Variants in SUPT5H observed in about 807,000 individuals in gnomAD.
SUPT5H encodes SPT5 homolog, DSIF elongation factor subunit.
A neutral mutation model predicts 142.5 loss-of-function variants in SUPT5H; 24 were observed. The observed-to-expected ratio is 0.17, with a 90% confidence interval of 0.12 to 0.24. The LOEUF (loss-of-function observed/expected upper bound fraction) is 0.24, where lower values mean the gene tolerates loss of function less well. Among genes scored for constraint, SUPT5H ranks in the 10% least tolerant of loss-of-function variants. SUPT5H has a pLI of 1.00. For synonymous variants in SUPT5H, 546 were observed against 553.0 expected (o/e 0.99, Z 0.18); for missense variants, 893 against 1,471.8 (o/e 0.61, Z 6.43).
At chr19:39,448,699 G>A (rs1220189397) in intron 2 of SUPT5H, among the ~76,000 whole-genome samples, 1 of 152,098 alleles carries the variant, frequency 6.6e-6, no homozygotes, top group East Asian at 1.9e-4. Flanking sequence ...GAAGGACAGG[G>A]TTCTGTGGCT....
At chr19:39,457,245 T>C (rs544046558) in intron 3 of SUPT5H, among the ~76,000 whole-genome samples, 1 of 152,304 alleles carries the variant, frequency 6.6e-6, no homozygotes, top group Non-Finnish European at 1.5e-5. Context: ...GGAACCTGTG[T>C]CAGGTACTCA....
At chr19:39,468,430 T>C (rs975923392) in intron 13 of SUPT5H, 2 of 391,564 alleles carry the variant, frequency 5.1e-6, no homozygotes, top group African/African-American at 4.1e-5. Context: ...TACTGGGCAC[T>C]ATTCTTGGTG....
intron 28 of SUPT5H, chr19:39,475,858 T>C (rs1028559256): frequency 5.2e-6 from 3 of 572,932 alleles, no homozygotes; most frequent in Admixed American, 3.1e-5. Context: ...CCTTTTTGCC[T>C]GTTAGCTTCA....
intron 3 of SUPT5H, among the ~76,000 whole-genome samples, chr19:39,456,520 G>C (rs958298436): frequency 2.6e-5 from 4 of 151,614 alleles, no homozygotes; most frequent in Non-Finnish European, 5.9e-5. Flanking sequence ...CCGGGTTCAA[G>C]CAATTCTCTG....
At chr19:39,457,904 C>T in intron 4 of SUPT5H, 164 bp downstream of exon 4, 1 of 1,315,186 alleles carries the variant, frequency 7.6e-7, no homozygotes, top group Non-Finnish European at 1.1e-6. Context: ...CCTGCTTTTT[C>T]CTTTTAGGCC....
Position 39,474,171 on chromosome 19 carries a change from C to T in SUPT5H, c.2651+50C>T. On this transcript the variant is annotated intron_variant, in intron 26 of 29. Transcript: ENST00000432763. This position sits in a 1 kb window ranked among gnomAD's most constrained non-coding sequence, Gnocchi z 6.5. Reference sequence around the variant, plus strand: ...GTCTACCCCTGCCCAAACCCTCCTACTGCCACCACCTCTTTTCCCCTCCCT... The same window carrying T: ...GTCTACCCCTGCCCAAACCCTCCTATTGCCACCACCTCTTTTCCCCTCCCT... 6.2e-7 allele frequency: 1 copy of T among 1,610,794 alleles called. No individual in the cohort carries two copies. The highest frequency in any genetic ancestry group is 8.5e-7 in the Non-Finnish European group (1 of 1,178,320).
intron 8 of SUPT5H, 139 bp from the exon 9 acceptor site, chr19:39,459,420 G>C: frequency 7.4e-7 from 1 of 1,344,274 alleles, no homozygotes; most frequent in Non-Finnish European, 1.1e-6. Context: ...TCTTGCTCCT[G>C]GGTAGAAGCG....
rs760331427 is a variant in SUPT5H, at chr19:39,474,086, A to T, written c.2616A>T (p.Pro872=). 3 of 1,605,504 alleles carry T rather than the reference A, an allele frequency of 1.9e-6. No individual in the cohort carries two copies. Among genetic ancestry groups the T allele is most frequent in the Non-Finnish European group, 2.6e-6 (3 of 1,174,998 alleles). The change falls in exon 26 of 30, where the codon CCA becomes CCT. Residue 872 remains proline (P), a synonymous_variant. Transcript: ENST00000432763. The surrounding 1 kb of genome is among the most constrained non-coding windows in gnomAD (Gnocchi z 6.5). ...YPDPSSPQVN[P]QYNPQTPGTP... is the part of the protein sequence containing the mutation. The stretch of plus-strand genomic sequence containing the variant: ...ACCCCTCGTCCCCACAGGTCAACCC[A>T]CAATACAACCCGCAGACGCCAGGGA...
chr19:39,474,841 T>TAGA lies in SUPT5H; in HGVS notation c.3024+124_3024+126dup, dbSNP rs2079380042. On this transcript the variant is annotated intron_variant, in intron 28 of 29. Coordinates refer to ENST00000432763, the MANE Select transcript of SUPT5H (RefSeq NM_001111020.3). This position sits in a 1 kb window ranked among gnomAD's most constrained non-coding sequence, Gnocchi z 6.5. The stretch of plus-strand genomic sequence containing the variant: ...GGGCAGAGCTGGGATTGAGGAAGCC[T>TAGA]AGAGGGCAAGGGGAGCTATGTGAAC... The TAGA allele has an allele frequency of 4.4e-6, 5 of 1,140,960 alleles. No individual in the cohort carries two copies. In the East Asian group the frequency reaches 1.3e-4, roughly 29 times the overall value. The allele number at this position is 1,140,960 out of a possible 1,614,324, so 70.7% of individuals were successfully genotyped here. A position where few individuals can be genotyped will look rare whatever the true frequency, so the allele number is the denominator to read the frequency against.
In SUPT5H at chr19:39,476,408, G is replaced by A; in HGVS notation, c.*9G>A. On this transcript the variant is annotated 3_prime_UTR_variant, in exon 30 of 30. Coordinates refer to ENST00000432763, the MANE Select transcript of SUPT5H (RefSeq NM_001111020.3). Reference sequence around the variant, plus strand: ...AGCTCCTGGAAGCCTGAAGCAGGCAGGGCCGGTGGACTTCGTCGGATGAAG... The same window carrying A: ...AGCTCCTGGAAGCCTGAAGCAGGCAAGGCCGGTGGACTTCGTCGGATGAAG... The A allele has an allele frequency of 6.2e-7, 1 of 1,613,976 alleles. No individual in the cohort carries two copies. Among genetic ancestry groups the A allele is most frequent in the African/African-American group, 1.3e-5 (1 of 75,044 alleles).
Position 39,446,078 on chromosome 19 carries a change from C to T in SUPT5H, c.75+113C>T, listed in dbSNP as rs552163993. On this transcript the variant is annotated intron_variant, in intron 2 of 29. Transcript: ENST00000432763. ...CAGCGGGCTCTGGCTTCTGGGAACT[C>T]CCAGATTGTCTCAAGAGATAGAGAA... is the stretch of plus-strand genomic sequence containing the variant. 9 of 1,150,108 alleles carry T rather than the reference C, an allele frequency of 7.8e-6. No homozygotes were observed. The East Asian group carries it at 2.3e-4, about 29-fold the overall frequency. 71.2% of individuals were successfully genotyped at this position (1,150,108 alleles called of 1,614,324 possible). A position where few individuals can be genotyped will look rare whatever the true frequency, so the allele number is the denominator to read the frequency against.
intron 2 of SUPT5H, among the ~76,000 whole-genome samples, chr19:39,449,180 C>T (rs550950247): frequency 6.6e-6 from 1 of 152,054 alleles, no homozygotes; most frequent in East Asian, 1.9e-4. Context: ...AAGGCAGAGG[C>T]AGTTTTATAG....
At position 39,473,251 on chromosome 19, in the gene SUPT5H, C is replaced by T. The variant is rs752436856; in HGVS notation, c.2307C>T (p.Pro769=). Residue 769 remains proline (P), a synonymous_variant, in exon 24 of 30, where the codon CCC becomes CCT. Transcript: ENST00000432763. This position sits in a 1 kb window ranked among gnomAD's most constrained non-coding sequence, Gnocchi z 5.8. Reference sequence around the variant, plus strand: ...TGACCTCGACCTATGGGAGGACGCCCATGTATGGCTCCCAGACGCCCATGT... The same window carrying T: ...TGACCTCGACCTATGGGAGGACGCCTATGTATGGCTCCCAGACGCCCATGT... The part of the protein sequence containing the change: ...GGMTSTYGRT[P]MYGSQTPMYG... 1 of 1,613,716 alleles carries T rather than the reference C, an allele frequency of 6.2e-7. No individual in the cohort carries two copies. Among genetic ancestry groups the T allele is most frequent in the East Asian group, 2.2e-5 (1 of 44,870 alleles).
In SUPT5H at chr19:39,469,501, G is replaced by C; in HGVS notation, c.1374+103G>C. On this transcript the variant is annotated intron_variant, in intron 16 of 29. Transcript: ENST00000432763. The surrounding 1 kb of genome is among the most constrained non-coding windows in gnomAD (Gnocchi z 5.1). ...GTGCCTGGTGACACCTGGTTTCCAG[G>C]AGGGTAAGTTGAGGCCCTTCTAGCA... 1.9e-6 allele frequency: 3 copies of C among 1,541,858 alleles called. No individual in the cohort carries two copies. The highest frequency in any genetic ancestry group is 2.4e-5 in the South Asian group (2 of 83,934).
intron 8 of SUPT5H, 56 bp downstream of exon 8, chr19:39,459,305 A>G (rs900594484): frequency 1.9e-5 from 30 of 1,542,920 alleles, no homozygotes; most frequent in East Asian, 2.4e-5. Context: ...GTATGGGGTG[A>G]TGGTGCCTAG....
intron 4 of SUPT5H, 83 bp downstream of exon 4, chr19:39,457,823 C>A: frequency 6.3e-7 from 1 of 1,594,606 alleles, no homozygotes; most frequent in South Asian, 1.1e-5. Flanking sequence ...CCGACCCCCG[C>A]ATCCCCTGTA....
intron 10 of SUPT5H, among the ~76,000 whole-genome samples, chr19:39,463,153 G>C (rs887308834): frequency 1.3e-5 from 2 of 150,860 alleles, no homozygotes; most frequent in Admixed American, 1.3e-4. Context: ...CACTGCGCCT[G>C]GCCAACCGGC....
At position 39,474,275 on chromosome 19, in the gene SUPT5H, C is replaced by A. The variant is rs994954477; in HGVS notation, c.2693C>A (p.Pro898Gln). The A allele has an allele frequency of 6.2e-7, 1 of 1,614,058 alleles. No individual in the cohort carries two copies. The highest frequency in any genetic ancestry group is 2.2e-5 in the East Asian group (1 of 44,876). Residue 898 changes from proline to glutamine, a missense_variant, in exon 27 of 30, where the codon CCA (proline) becomes CAA (glutamine). This residue lies in a region of SUPT5H where 336 missense variants were observed against 546.5 expected (regional missense o/e 0.61). Transcript: ENST00000432763. The surrounding 1 kb of genome is among the most constrained non-coding windows in gnomAD (Gnocchi z 6.5). ...TTCTCTCCCTATGCTGCCCCCTCCCCACAAGGTTCCTACCAGCCCAGCCCC... is the reference window on the plus strand; with the variant it reads ...TTCTCTCCCTATGCTGCCCCCTCCCAACAAGGTTCCTACCAGCCCAGCCCC... The part of the protein sequence containing the change: ...DQFSPYAAPS[P>Q]QGSYQPSPSP...
Position 39,459,754 on chromosome 19 carries a change from A to C in SUPT5H, c.556-138A>C, listed in dbSNP as rs575544025. 2.1e-5 allele frequency: 27 copies of C among 1,291,916 alleles called. No individual in the cohort carries two copies. In the Middle Eastern group the frequency reaches 7.4e-4, roughly 35 times the overall value. The allele number at this position is 1,291,916 out of a possible 1,614,324, so 80.0% of individuals were successfully genotyped here. A position where few individuals can be genotyped will look rare whatever the true frequency, so the allele number is the denominator to read the frequency against. On this transcript the variant is annotated intron_variant, in intron 9 of 29. Coordinates refer to ENST00000432763, the MANE Select transcript of SUPT5H (RefSeq NM_001111020.3). Reference sequence around the variant, plus strand: ...TACTGACTGGCTATCTCCCACCTCCATCTTCCTGGCTGTCCATCCTTCTTT... The same window carrying C: ...TACTGACTGGCTATCTCCCACCTCCCTCTTCCTGGCTGTCCATCCTTCTTT...
Sources: gnomAD v4.1 joint callset for allele counts (sites outside exome capture counted in the v4.1 genomes callset) on GRCh38, gnomAD v4.1.1 for gene constraint, gnomAD v4.1.1 regional missense constraint, Gnocchi (gnomAD v3.1) non-coding constraint, MANE v1.5 for transcripts, NCBI Gene and HGNC (gene_info 2026-07-23, HGNC 2026-07-21) for gene names.